GABBR1: variants seen among roughly 807,000 people sequenced by gnomAD.
The protein encoded by GABBR1 is gamma-aminobutyric acid type B receptor subunit 1.
Under a neutral mutation model 117.7 loss-of-function variants are expected in GABBR1, and 35 were observed. That is an observed-to-expected ratio of 0.30 (90% CI 0.23 to 0.39). The LOEUF is 0.39. Ranked by LOEUF, GABBR1 falls within the 10% of genes least tolerant of loss-of-function variation. GABBR1 has a pLI of 1.00. For missense variants in GABBR1, 709 were observed against 1,241.8 expected (o/e 0.57, Z 6.45); for synonymous variants, 442 against 486.6 (o/e 0.91, Z 1.21).
intron 6 of GABBR1, 25 bp from the exon 7 acceptor site, chr6:29,624,049 C>A: frequency 1.3e-6 from 2 of 1,589,334 alleles, no homozygotes; most frequent in Non-Finnish European, 1.7e-6. Flanking sequence ...GAGATGAGGG[C>A]AAGCTCTCCT....
intron 5 of GABBR1, 143 bp downstream of exon 5, chr6:29,628,944 G>T (rs1205367255): frequency 4.7e-6 from 4 of 847,950 alleles, no homozygotes; most frequent in Non-Finnish European, 5.9e-6. Context: ...GGGAGGGAAG[G>T]GGGTGGCCGC....
At position 29,620,396 on chromosome 6, in the gene GABBR1, C is replaced by T. The variant is rs1409822510; in HGVS notation, c.1323+705G>A. On this transcript the variant is annotated intron_variant, in intron 11 of 22. Transcript: ENST00000377034. This position sits in a 1 kb window ranked among gnomAD's most constrained non-coding sequence, Gnocchi z 4.5. ...TAAGCAGACACATAGGTGGCCGTAT[C>T]GAGCTTACCCAAAATTCCTGTACTC... Among the ~76,000 whole-genome samples, 4 of 152,190 alleles carry T rather than the reference C, an allele frequency of 2.6e-5. No homozygotes were observed. The highest frequency in any genetic ancestry group is 2.1e-4 in the South Asian group (1 of 4,830).
At position 29,621,876 on chromosome 6, in the gene GABBR1, C is replaced by T. The variant is rs943335679; in HGVS notation, c.1066-59G>A. ...GCCCGGGAATGCCTGAGGGGCTAAGCCAGATGTCTTCACAGCTTTGATTTC... is the reference window on the plus strand; with the variant it reads ...GCCCGGGAATGCCTGAGGGGCTAAGTCAGATGTCTTCACAGCTTTGATTTC... On this transcript the variant is annotated intron_variant, in intron 9 of 22. Coordinates refer to ENST00000377034, the MANE Select transcript of GABBR1 (RefSeq NM_001470.4). This position sits in a 1 kb window ranked among gnomAD's most constrained non-coding sequence, Gnocchi z 5.0. 3.9e-6 allele frequency: 6 copies of T among 1,544,668 alleles called. No individual in the cohort carries two copies. Among genetic ancestry groups the T allele is most frequent in the Non-Finnish European group, 5.4e-6 (6 of 1,117,820 alleles).
chr6:29,632,192 G>A lies in GABBR1; in HGVS notation c.85+109C>T, dbSNP rs907281408. ...GCCGAGCAGAAGGGGTTGCCAGACC[G>A]GGATGATATGTGGGACTGATGGGAT... On this transcript the variant is annotated intron_variant, in intron 2 of 22. Coordinates refer to ENST00000377034, the MANE Select transcript of GABBR1 (RefSeq NM_001470.4). This position sits in a 1 kb window ranked among gnomAD's most constrained non-coding sequence, Gnocchi z 5.8. 1.2e-5 allele frequency: 8 copies of A among 655,852 alleles called. No individual in the cohort carries two copies. The highest frequency in any genetic ancestry group is 1.9e-5 in the African/African-American group (1 of 52,172). The allele number at this position is 655,852 out of a possible 1,614,324, so 40.6% of individuals were successfully genotyped here.
Position 29,603,493 on chromosome 6 carries a change from C to T in GABBR1, c.*50G>A. ...CCTGCTTCCTGAGTCCCCTGCCCTT[C>T]CCCTCTCCCTTTCCCTCCCCCTACT... On this transcript the variant is annotated 3_prime_UTR_variant, in exon 23 of 23. Coordinates refer to ENST00000377034, the MANE Select transcript of GABBR1 (RefSeq NM_001470.4). The T allele has an allele frequency of 1.3e-6, 2 of 1,496,156 alleles. No individual in the cohort carries two copies. The highest frequency in any genetic ancestry group is 1.2e-5 in the South Asian group (1 of 81,322). 92.7% of individuals were successfully genotyped at this position (1,496,156 alleles called of 1,614,324 possible).
At chr6:29,629,573 C>CT (rs1257427781) in intron 4 of GABBR1, among the ~76,000 whole-genome samples, 1 of 152,106 alleles carries the variant, frequency 6.6e-6, no homozygotes, top group African/African-American at 2.4e-5. Flanking sequence ...ACCTTGAAGT[C>CT]TAAGTTTCAG....
At chr6:29,625,801 G>A (rs1291904101) in intron 6 of GABBR1, among the ~76,000 whole-genome samples, 1 of 152,032 alleles carries the variant, frequency 6.6e-6, no homozygotes, top group Non-Finnish European at 1.5e-5. Flanking sequence ...CTATCATAAA[G>A]CCTGCACCCA....
rs1361486210 is a variant in GABBR1, at chr6:29,609,401, G to T, written c.1709-22C>A. ...CCTCCTGCATGGCACAGGGGAGGAAGAGGGGAAGGGAAAAGAGAAGGGAAG... is the reference window on the plus strand; with the variant it reads ...CCTCCTGCATGGCACAGGGGAGGAATAGGGGAAGGGAAAAGAGAAGGGAAG... On this transcript the variant is annotated intron_variant, in intron 14 of 22. Coordinates refer to ENST00000377034, the MANE Select transcript of GABBR1 (RefSeq NM_001470.4). The surrounding 1 kb of genome is among the most constrained non-coding windows in gnomAD (Gnocchi z 4.3). The T allele has an allele frequency of 6.2e-7, 1 of 1,610,294 alleles. No homozygotes were observed. The highest frequency in any genetic ancestry group is 8.5e-7 in the Non-Finnish European group (1 of 1,177,884).
At position 29,622,575 on chromosome 6, in the gene GABBR1, A is replaced by G; in HGVS notation, c.964-370T>C. 1 of 251,284 alleles carries G rather than the reference A, an allele frequency of 4.0e-6. No individual in the cohort carries two copies. Among genetic ancestry groups the G allele is most frequent in the Non-Finnish European group, 7.8e-6 (1 of 128,682 alleles). The allele number at this position is 251,284 out of a possible 1,614,324, so 15.6% of individuals were successfully genotyped here. On this transcript the variant is annotated intron_variant, in intron 8 of 22. Coordinates refer to ENST00000377034, the MANE Select transcript of GABBR1 (RefSeq NM_001470.4). This position sits in a 1 kb window ranked among gnomAD's most constrained non-coding sequence, Gnocchi z 4.6. ...TGTCAACCTCAAGAGGCAAATGGGC[A>G]GACAGACAAAGGATCAGAGAAGAAT...
At chr6:29,628,457 G>T (rs1183028278) in intron 5 of GABBR1, among the ~76,000 whole-genome samples, 4 of 152,108 alleles carry the variant, frequency 2.6e-5, no homozygotes, top group Non-Finnish European at 5.9e-5. Context: ...ATGTGGGGGA[G>T]AGGAAACGGT....
chr6:29,615,250 C>T (rs936091880), intron 11 of GABBR1, among the ~76,000 whole-genome samples: 1 of 150,580 alleles, frequency 6.6e-6, no homozygotes, highest in East Asian at 2.0e-4. Flanking sequence ...TGAGATGACG[C>T]CACTACACTC....
Position 29,607,022 on chromosome 6 carries a change from G to A in GABBR1, c.2110-18C>T, listed in dbSNP as rs527531682. On this transcript the variant is annotated intron_variant, in intron 17 of 22. Transcript: ENST00000377034. The surrounding 1 kb of genome is among the most constrained non-coding windows in gnomAD (Gnocchi z 5.0). ...TCCAGAGTCTGGATAAATATGTGGG[G>A]AGAACAGGCACGTCAGGGGAAAATG... 4.3e-6 allele frequency: 7 copies of A among 1,612,822 alleles called. No individual in the cohort carries two copies. In the African/African-American group the frequency reaches 9.3e-5, roughly 21 times the overall value.
chr6:29,612,485 A>G, intron 13 of GABBR1, 66 bp downstream of exon 13: 4 of 1,378,068 alleles, frequency 2.9e-6, no homozygotes, highest in Non-Finnish European at 4.1e-6. Flanking sequence ...ATTCTTCCCC[A>G]GGGGGCATCC....
chr6:29,612,349 A>G (rs986160136), intron 13 of GABBR1, among the ~76,000 whole-genome samples: 2 of 152,084 alleles, frequency 1.3e-5, no homozygotes, highest in African/African-American at 2.4e-5. Flanking sequence ...AACCAGTGCA[A>G]CTCAAAGACA....
chr6:29,631,471 C>G lies in GABBR1; in HGVS notation c.214G>C (p.Glu72Gln). 1.2e-6 allele frequency: 2 copies of G among 1,614,172 alleles called. No individual in the cohort carries two copies. Among genetic ancestry groups the G allele is most frequent in the Non-Finnish European group, 1.7e-6 (2 of 1,180,036 alleles). The change falls in exon 3 of 23, where the codon GAG becomes CAG. Residue 72 changes from glutamate (E) to glutamine (Q), a missense_variant. Glu to Gln is a conservative substitution (Grantham distance 29). Coordinates refer to ENST00000377034, the MANE Select transcript of GABBR1 (RefSeq NM_001470.4). This position sits in a 1 kb window ranked among gnomAD's most constrained non-coding sequence, Gnocchi z 5.9. ...TTGCGGACCTTGGGCCCCACCACCT[C>G]GCGCTCCCCCCGGCACACATACTCA... is the stretch of plus-strand genomic sequence containing the variant. ...EIEYVCRGER[E>Q]VVGPKVRKCL...
intron 13 of GABBR1, 94 bp downstream of exon 13, chr6:29,612,457 T>A (rs1247638718): frequency 2.0e-6 from 2 of 989,188 alleles, no homozygotes; most frequent in African/African-American, 3.2e-5. Context: ...GCCAGGGCAA[T>A]CTTGTGATGT....
In GABBR1 at chr6:29,605,638, C is replaced by A; in HGVS notation, c.2370G>T (p.Glu790Asp). Residue 790 changes from glutamate (E) to aspartate (D), a missense_variant, in exon 20 of 23, where the codon GAG becomes GAT. Glu to Asp is a conservative substitution (Grantham distance 45, BLOSUM62 2). Transcript: ENST00000377034. The surrounding 1 kb of genome is among the most constrained non-coding windows in gnomAD (Gnocchi z 4.2). ...LLLLGIFLAY[E>D]TKSVSTEKIN... ...TCTTCTCAGTGGACACACTCTTGGTCTCATAAGCAAGGAAGATTCCCAGCA... is the reference window on the plus strand; with the variant it reads ...TCTTCTCAGTGGACACACTCTTGGTATCATAAGCAAGGAAGATTCCCAGCA... The A allele has an allele frequency of 6.2e-7, 1 of 1,613,144 alleles. No individual in the cohort carries two copies. The highest frequency in any genetic ancestry group is 8.5e-7 in the Non-Finnish European group (1 of 1,180,020).
rs531212010 is a variant in GABBR1, at chr6:29,604,066, C to T, written c.2713-350G>A. Among the ~76,000 whole-genome samples, 10 of 152,164 alleles carry T rather than the reference C, an allele frequency of 6.6e-5. No individual in the cohort carries two copies. Among genetic ancestry groups the T allele is most frequent in the African/African-American group, 2.2e-4 (9 of 41,490 alleles). On this transcript the variant is annotated intron_variant, in intron 22 of 22. Transcript: ENST00000377034. This position sits in a 1 kb window ranked among gnomAD's most constrained non-coding sequence, Gnocchi z 5.3. ...AACATCCCTCTCTTTGGCATTGCAC[C>T]AGCCCCTAATGACAGCCTGGGGCAC...
Position 29,613,616 on chromosome 6 carries a change from A to G in GABBR1, c.1324-131T>C, listed in dbSNP as rs1762778222. 2 of 1,155,900 alleles carry G rather than the reference A, an allele frequency of 1.7e-6. No individual in the cohort carries two copies. Among genetic ancestry groups the G allele is most frequent in the Non-Finnish European group, 2.4e-6 (2 of 816,514 alleles). 71.6% of individuals were successfully genotyped at this position (1,155,900 alleles called of 1,614,324 possible). A position where few individuals can be genotyped will look rare whatever the true frequency, so the allele number is the denominator to read the frequency against. On this transcript the variant is annotated intron_variant, in intron 11 of 22. Coordinates refer to ENST00000377034, the MANE Select transcript of GABBR1 (RefSeq NM_001470.4). This position sits in a 1 kb window ranked among gnomAD's most constrained non-coding sequence, Gnocchi z 4.1. ...GTGTTACTGTTGTCAGATTGGACACATGTACATTCAAAATCTTTAACTATA... is the reference window on the plus strand; with the variant it reads ...GTGTTACTGTTGTCAGATTGGACACGTGTACATTCAAAATCTTTAACTATA...
Sources: gnomAD v4.1 joint callset for allele counts (sites outside exome capture counted in the v4.1 genomes callset) on GRCh38, gnomAD v4.1.1 for gene constraint, Gnocchi (gnomAD v3.1) non-coding constraint, MANE v1.5 for transcripts, NCBI Gene and HGNC (gene_info 2026-07-23, HGNC 2026-07-21) for gene names.